SGIP1: variants seen among roughly 807,000 people sequenced by gnomAD.
SGIP1 encodes the protein SH3GL interacting endocytic adaptor 1, also known as SH3-containing GRB2-like protein 3-interacting protein 1.
A neutral mutation model predicts 107.5 loss-of-function variants in SGIP1; 38 were observed. The ratio of observed to expected loss-of-function variants is 0.35; its 90% CI spans 0.27 to 0.46. The LOEUF is 0.46. SGIP1 is among the 20% of genes least tolerant of loss of function. The pLI, the probability that SGIP1 is intolerant of heterozygous loss-of-function variation, is 1.00. For synonymous variants in SGIP1, 365 were observed against 366.1 expected (o/e 1.00, Z 0.03); for missense variants, 929 against 1,019.5 (o/e 0.91, Z 1.21).
chr1:66,742,701 C>T (rs1306721865), intron 24 of SGIP1, among the ~76,000 whole-genome samples: 1 of 148,650 alleles, frequency 6.7e-6, no homozygotes, highest in African/African-American at 2.6e-5. Context: ...GATCTCCTGA[C>T]CTCGTGATCC....
intron 8 of SGIP1, chr1:66,667,030 A>G (rs1358959078): frequency 6.5e-6 from 1 of 153,002 alleles, no homozygotes; most frequent in Non-Finnish European, 1.5e-5. Flanking sequence ...CAAAGAAAAA[A>G]TCCAGACAAG....
chr1:66,562,648 T>C (rs1003185522), intron 1 of SGIP1, among the ~76,000 whole-genome samples: 5 of 152,108 alleles, frequency 3.3e-5, no homozygotes, highest in African/African-American at 1.2e-4. Flanking sequence ...GGTTTTTTTC[T>C]TTAGCAAAAA....
chr1:66,717,453 A>G (rs993485214), intron 18 of SGIP1, among the ~76,000 whole-genome samples: 6 of 152,264 alleles, frequency 3.9e-5, no homozygotes, highest in African/African-American at 1.4e-4. Flanking sequence ...TGAAAGGCCA[A>G]TATCATCCAG....
At chr1:66,581,943 A>G (rs1257749410) in intron 1 of SGIP1, among the ~76,000 whole-genome samples, 1 of 152,144 alleles carries the variant, frequency 6.6e-6, no homozygotes, top group Admixed American at 6.6e-5. Flanking sequence ...GTACTTTGGC[A>G]TCAGGAAAAT....
At chr1:66,581,236 A>T (rs143332944) in intron 1 of SGIP1, among the ~76,000 whole-genome samples, 1 of 152,232 alleles carries the variant, frequency 6.6e-6, no homozygotes, top group East Asian at 1.9e-4. Context: ...GTGGTTTAAG[A>T]GTCCAAACTC....
chr1:66,701,093 A>G (rs114336147), intron 18 of SGIP1, among the ~76,000 whole-genome samples: 1 of 152,276 alleles, frequency 6.6e-6, no homozygotes, highest in Non-Finnish European at 1.5e-5. Flanking sequence ...GCAAGTCACA[A>G]TTATAGTCAT....
At chr1:66,738,464 C>A (rs1021212176) in intron 21 of SGIP1, among the ~76,000 whole-genome samples, 3 of 152,226 alleles carry the variant, frequency 2.0e-5, no homozygotes, top group Admixed American at 1.3e-4. Flanking sequence ...ACCACCATAA[C>A]GAACAATCGA....
chr1:66,585,570 TTG>T (rs113981156), intron 1 of SGIP1, among the ~76,000 whole-genome samples: 81 of 149,926 alleles, frequency 5.4e-4, no homozygotes, highest in Middle Eastern at 3.4e-3. Flanking sequence ...GCTTTGGAGT[TTG>T]TGTGTGTGTG....
chr1:66,549,163 CTT>C (rs2056994861), intron 1 of SGIP1, among the ~76,000 whole-genome samples: 1 of 150,968 alleles, frequency 6.6e-6, no homozygotes, highest in South Asian at 2.1e-4. Context: ...TCCTTCCTTC[CTT>C]CCTTCCTTCC....
At chr1:66,638,586 A>G (rs1206116934) in intron 4 of SGIP1, among the ~76,000 whole-genome samples, 2 of 152,282 alleles carry the variant, frequency 1.3e-5, no homozygotes, top group African/African-American at 4.8e-5. Context: ...TATTGGAAGA[A>G]AGAGGGGATG....
intron 18 of SGIP1, among the ~76,000 whole-genome samples, chr1:66,711,679 G>C (rs947864398): frequency 6.6e-6 from 1 of 152,106 alleles, no homozygotes; most frequent in African/African-American, 2.4e-5. Flanking sequence ...AGGGTCATTT[G>C]CCTCCTGCCT....
chr1:66,592,894 C>CTTTT lies in SGIP1; in HGVS notation c.11-32951_11-32950insTTTT, dbSNP rs1558004086. On this transcript the variant is annotated intron_variant, in intron 1 of 24. Transcript: ENST00000371037. The stretch of plus-strand genomic sequence containing the variant: ...TTTCTTTCCTTCTTTCTTTCTTCTT[C>CTTTT]TTCTTTTTTTTTTTTTTTTTTTTTT... Among the ~76,000 whole-genome samples the CTTTT allele has an allele frequency of 7.6e-4, 72 of 94,132 alleles. 1 individual carries two copies. Among genetic ancestry groups the CTTTT allele is most frequent in the African/African-American group, 2.7e-3 (65 of 23,722 alleles). 61.8% of individuals were successfully genotyped at this position (94,132 alleles called of 152,430 possible).
In SGIP1 at chr1:66,567,206, G is replaced by T. The variant is rs150351888; in HGVS notation, c.10+32838G>T. 5.0e-3 allele frequency among the ~76,000 whole-genome samples: 755 copies of T among 152,192 alleles called. 8 individuals carry two copies. Among genetic ancestry groups the T allele is most frequent in the African/African-American group, 0.017 (726 of 41,540 alleles). On this transcript the variant is annotated intron_variant, in intron 1 of 24. Coordinates refer to ENST00000371037, the MANE Select transcript of SGIP1 (RefSeq NM_032291.4). ...CATTTTAATAATCACCATTCTGACT[G>T]GTGTGAGATGGTATCTCATTGTGGT...
chr1:66,648,745 A>AT (rs2078139744), intron 7 of SGIP1, among the ~76,000 whole-genome samples: 1 of 152,040 alleles, frequency 6.6e-6, no homozygotes, highest in Admixed American at 6.6e-5. Context: ...CTGTTTAAAT[A>AT]TTTTGTTCTA....
At chr1:66,588,836 A>G (rs1477335721) in intron 1 of SGIP1, among the ~76,000 whole-genome samples, 1 of 151,728 alleles carries the variant, frequency 6.6e-6, no homozygotes. Flanking sequence ...TCTTCTTGGA[A>G]GGAACCAAAA....
Position 66,745,814 on chromosome 1 carries a change from A to G in SGIP1, c.*2719A>G, listed in dbSNP as rs1260634085. 1 of 152,108 alleles carries G rather than the reference A, an allele frequency of 6.6e-6. No individual in the cohort carries two copies. The highest frequency in any genetic ancestry group is 2.4e-5 in the African/African-American group (1 of 41,454). The allele number at this position is 152,108 out of a possible 1,614,324, so 9.4% of individuals were successfully genotyped here. The stretch of plus-strand genomic sequence containing the variant: ...CATGGAAATTTTGTTTTTCTTTTCC[A>G]ATAAAATCCATATTTTCGTGAAATT... On this transcript the variant is annotated 3_prime_UTR_variant, in exon 25 of 25. Transcript: ENST00000371037.
intron 1 of SGIP1, among the ~76,000 whole-genome samples, chr1:66,553,142 C>T (rs2057679955): frequency 6.6e-6 from 1 of 152,102 alleles, no homozygotes; most frequent in South Asian, 2.1e-4. Context: ...CAGTCTTCAG[C>T]GGGTAGGCAG....
chr1:66,653,643 T>C (rs1241214428), intron 7 of SGIP1, among the ~76,000 whole-genome samples: 1 of 152,204 alleles, frequency 6.6e-6, no homozygotes, highest in African/African-American at 2.4e-5. Context: ...TCAATTTCTG[T>C]AACAAAATCA....
chr1:66,563,881 A>C (rs2059296017), intron 1 of SGIP1, among the ~76,000 whole-genome samples: 1 of 151,988 alleles, frequency 6.6e-6, no homozygotes, highest in Non-Finnish European at 1.5e-5. Context: ...AACTCTTAGA[A>C]AGCTACTATC....
Sources: gnomAD v4.1 joint callset for allele counts (sites outside exome capture counted in the v4.1 genomes callset) on GRCh38, gnomAD v4.1.1 for gene constraint, MANE v1.5 for transcripts, NCBI Gene and HGNC (gene_info 2026-07-23, HGNC 2026-07-21) for gene names.